AHCYL2: variants seen among roughly 807,000 people sequenced by gnomAD.
AHCYL2 encodes adenosylhomocysteinase like 2.
Under a neutral mutation model 81.4 loss-of-function variants are expected in AHCYL2, and 28 were observed. That is an observed-to-expected ratio of 0.34 (90% CI 0.25 to 0.47). The LOEUF (loss-of-function observed/expected upper bound fraction) is 0.47. Ranked by LOEUF, AHCYL2 falls within the 20% of genes least tolerant of loss-of-function variation. AHCYL2 has a pLI of 1.00. For synonymous variants in AHCYL2, 272 were observed against 290.2 expected, an observed-to-expected ratio of 0.94 and a Z score of 0.64; for missense variants, 551 against 785.1, an observed-to-expected ratio of 0.70 and a Z score of 3.56.
Position 129,406,046 on chromosome 7 carries a change from C to A in AHCYL2, c.1206+147C>A. 1 of 773,772 alleles carries A rather than the reference C, an allele frequency of 1.3e-6. No homozygotes were observed. Among genetic ancestry groups the A allele is most frequent in the South Asian group, 2.1e-5 (1 of 46,754 alleles). 47.9% of individuals were successfully genotyped at this position (773,772 alleles called of 1,614,324 possible). On this transcript the variant is annotated intron_variant, in intron 9 of 16. Transcript: ENST00000325006. This position sits in a 1 kb window ranked among gnomAD's most constrained non-coding sequence, Gnocchi z 4.3. ...TCAGAGGCCTTCTGGTTGAAGTAGACTTTCTTTTTCCCTTTGCGTTGCCGC... is the reference window on the plus strand; with the variant it reads ...TCAGAGGCCTTCTGGTTGAAGTAGAATTTCTTTTTCCCTTTGCGTTGCCGC...
chr7:129,370,489 G>A (rs1260845263), intron 1 of AHCYL2, among the ~76,000 whole-genome samples: 1 of 152,172 alleles, frequency 6.6e-6, no homozygotes, highest in Non-Finnish European at 1.5e-5. Flanking sequence ...ACGAGGTCAG[G>A]AGATCAAGAT....
intron 1 of AHCYL2, among the ~76,000 whole-genome samples, chr7:129,267,094 A>G (rs1373365737): frequency 1.3e-5 from 2 of 152,192 alleles, no homozygotes; most frequent in African/African-American, 2.4e-5. Flanking sequence ...GGAAATGATC[A>G]TTTTGTTTTA....
chr7:129,290,393 C>T (rs1015310910), intron 1 of AHCYL2, among the ~76,000 whole-genome samples: 22 of 150,920 alleles, frequency 1.5e-4, no homozygotes, highest in Admixed American at 7.3e-4. Flanking sequence ...CCCAGCTACT[C>T]GGGAGGCTGA....
At chr7:129,364,932 A>G (rs1488379161) in intron 1 of AHCYL2, among the ~76,000 whole-genome samples, 2 of 152,252 alleles carry the variant, frequency 1.3e-5, no homozygotes, top group African/African-American at 4.8e-5. Context: ...CAGTGTTCCA[A>G]ATTCTATAAA....
At chr7:129,281,694 T>C (rs755187926) in intron 1 of AHCYL2, among the ~76,000 whole-genome samples, 20 of 151,892 alleles carry the variant, frequency 1.3e-4, no homozygotes, top group Non-Finnish European at 2.4e-4. Context: ...GATAGGGTTT[T>C]GCCATGTTGC....
chr7:129,397,173 T>G (rs1330625873), intron 4 of AHCYL2, 49 bp from the exon 5 acceptor site: 1 of 1,439,602 alleles, frequency 6.9e-7, no homozygotes, highest in East Asian at 2.3e-5. Context: ...TCTCCTTGAC[T>G]AGTTGTTTGG....
rs555445200 is a variant in AHCYL2, at chr7:129,283,202, A to G, written c.363+57763A>G. ...TTGGCCTTCCCAGACTCTCAGCTCA[A>G]TCTCTTCAACGAAGATAGCCCTGGG... is the stretch of plus-strand genomic sequence containing the variant. On this transcript the variant is annotated intron_variant, in intron 1 of 16. Coordinates refer to ENST00000325006, the MANE Select transcript of AHCYL2 (RefSeq NM_015328.4). Among the ~76,000 whole-genome samples the G allele has an allele frequency of 5.5e-4, 84 of 152,230 alleles. 2 individuals are homozygous for G. The highest frequency in any genetic ancestry group is 1.7e-3 in the African/African-American group (72 of 41,536).
intron 1 of AHCYL2, among the ~76,000 whole-genome samples, chr7:129,366,767 ACT>A (rs1484445896): frequency 2.6e-5 from 3 of 114,354 alleles, no homozygotes; most frequent in African/African-American, 3.6e-5. Context: ...CAAGAGCAAA[ACT>A]CTGTCTCAAA....
intron 1 of AHCYL2, among the ~76,000 whole-genome samples, chr7:129,313,101 C>T (rs1404460136): frequency 1.3e-5 from 2 of 152,102 alleles, no homozygotes; most frequent in African/African-American, 2.4e-5. Context: ...GATTTTTGTT[C>T]TGCTACAACC....
chr7:129,252,944 C>T (rs1321333526), intron 1 of AHCYL2, among the ~76,000 whole-genome samples: 1 of 152,128 alleles, frequency 6.6e-6, no homozygotes, highest in African/African-American at 2.4e-5. Flanking sequence ...CACGGTGGCT[C>T]ATGCCTGTAA....
At chr7:129,233,993 C>A (rs1241230556) in intron 1 of AHCYL2, among the ~76,000 whole-genome samples, 1 of 152,002 alleles carries the variant, frequency 6.6e-6, no homozygotes, top group Admixed American at 6.6e-5. Context: ...TTTTCTCCCC[C>A]TCCCCCCTTC....
chr7:129,233,628 C>T (rs1285460286), intron 1 of AHCYL2, among the ~76,000 whole-genome samples: 2 of 152,024 alleles, frequency 1.3e-5, no homozygotes, highest in Non-Finnish European at 2.9e-5. Context: ...GCTGGGACTA[C>T]AGGCACGCAC....
chr7:129,265,471 G>T (rs976505569), intron 1 of AHCYL2, among the ~76,000 whole-genome samples: 2 of 152,188 alleles, frequency 1.3e-5, no homozygotes, highest in African/African-American at 4.8e-5. Context: ...TTTATTATAA[G>T]AGAGTGAAGT....
At chr7:129,242,499 C>T (rs925886511) in intron 1 of AHCYL2, among the ~76,000 whole-genome samples, 8 of 152,042 alleles carry the variant, frequency 5.3e-5, no homozygotes, top group African/African-American at 1.7e-4. Flanking sequence ...GGGCGGATCA[C>T]GAGGTCAGAA....
At chr7:129,275,761 A>C (rs1796179514) in intron 1 of AHCYL2, among the ~76,000 whole-genome samples, 1 of 152,214 alleles carries the variant, frequency 6.6e-6, no homozygotes, top group African/African-American at 2.4e-5. Flanking sequence ...ATATAGATAC[A>C]AATATGAATA....
chr7:129,247,186 C>T (rs1795091557), intron 1 of AHCYL2, among the ~76,000 whole-genome samples: 1 of 152,200 alleles, frequency 6.6e-6, no homozygotes, highest in Non-Finnish European at 1.5e-5. Context: ...GTTAGATTCC[C>T]ACCAGCAATG....
chr7:129,248,107 C>T (rs1343049943), intron 1 of AHCYL2, among the ~76,000 whole-genome samples: 1 of 152,192 alleles, frequency 6.6e-6, no homozygotes, highest in Non-Finnish European at 1.5e-5. Flanking sequence ...ACTATCCTTT[C>T]CTCATTGAAT....
At chr7:129,342,242 A>G (rs1181337014) in intron 1 of AHCYL2, among the ~76,000 whole-genome samples, 1 of 152,188 alleles carries the variant, frequency 6.6e-6, no homozygotes, top group African/African-American at 2.4e-5. Flanking sequence ...AGAGCACCAG[A>G]AACCCAAGTC....
chr7:129,326,790 G>A (rs1307915430), intron 1 of AHCYL2, among the ~76,000 whole-genome samples: 1 of 152,146 alleles, frequency 6.6e-6, no homozygotes, highest in Non-Finnish European at 1.5e-5. Context: ...GAGAAACCGA[G>A]GGTAGCTAGA....
Sources: allele counts gnomAD v4.1 joint callset (sites outside exome capture counted in the v4.1 genomes callset), GRCh38; gene constraint gnomAD v4.1.1; non-coding constraint Gnocchi (gnomAD v3.1); transcripts MANE v1.5; gene names NCBI Gene and HGNC (gene_info 2026-07-23, HGNC 2026-07-21).